The following FAT1 variants were observed in gnomAD, a reference collection of about 807,000 sequenced individuals.
The protein encoded by FAT1 is FAT atypical cadherin 1, also known as protocadherin Fat 1.
Under a neutral mutation model 329.8 loss-of-function variants are expected in FAT1, and 171 were observed. The ratio of observed to expected loss-of-function variants is 0.52; its 90% CI spans 0.46 to 0.59. The LOEUF (loss-of-function observed/expected upper bound fraction) is 0.59, where lower values mean the gene tolerates loss of function less well. Among genes scored for constraint, FAT1 ranks in the 20% least tolerant of loss-of-function variants. FAT1 has a pLI of 0.00. For synonymous variants in FAT1, 2,233 were observed against 2,228.6 expected, an observed-to-expected ratio of 1.00 and a Z score of -0.06; for missense variants, 5,672 against 5,774.4, an observed-to-expected ratio of 0.98 and a Z score of 0.57.
In FAT1 at chr4:186,620,761, G is replaced by C. The variant is rs777478965; in HGVS notation, c.5825C>G (p.Thr1942Ser). The change falls in exon 10 of 27, where the codon ACT becomes AGT. Residue 1942 changes from threonine (T) to serine (S), a missense_variant. Transcript: ENST00000441802. Reference sequence around the variant, plus strand: ...TAGCTCGTAGCGGCTTCTTAACTGAGTTGTGTTTTGGACAGTGAGAGCACC... The same window carrying C: ...TAGCTCGTAGCGGCTTCTTAACTGACTTGTGTTTTGGACAGTGAGAGCACC... The part of the protein sequence containing the change: ...KTGALTVQNT[T>S]QLRSRYELTV... 1.2e-6 allele frequency: 2 copies of C among 1,613,910 alleles called. No homozygotes were observed. Among genetic ancestry groups the C allele is most frequent in the Non-Finnish European group, 1.7e-6 (2 of 1,179,914 alleles).
intron 1 of FAT1, among the ~76,000 whole-genome samples, chr4:186,716,740 G>A (rs1745225554): frequency 1.3e-5 from 2 of 152,112 alleles, no homozygotes; most frequent in Admixed American, 6.6e-5. Flanking sequence ...TTCAAAGCAG[G>A]ATCATGAAGT....
rs1056946096 is a variant in FAT1 at position 186,602,968 on chromosome 4, A to G, written c.11417T>C (p.Val3806Ala). Residue 3806 changes from valine (V) to alanine (A), a missense_variant, in exon 20 of 27, where the codon GTG becomes GCG. Physicochemically the swap from Val to Ala is moderately conservative, Grantham distance 64 (BLOSUM62 0). Transcript: ENST00000441802. ...GTGTTTCTCCTCCCAGGGATCAGACACACATTCGGATCCCTCAGGGCACGG... is the reference window on the plus strand; with the variant it reads ...GTGTTTCTCCTCCCAGGGATCAGACGCACATTCGGATCCCTCAGGGCACGG... ...DDPCPEGSEC[V>A]SDPWEEKHTC... 2 of 1,613,780 alleles carry G rather than the reference A, an allele frequency of 1.2e-6. No homozygotes were observed. Among genetic ancestry groups the G allele is most frequent in the African/African-American group, 2.7e-5 (2 of 74,914 alleles).
intron 23 of FAT1, 34 bp downstream of exon 23, chr4:186,597,938 A>G (rs1738611891): frequency 1.3e-6 from 2 of 1,587,226 alleles, no homozygotes; most frequent in East Asian, 4.5e-5. Context: ...TTTATACTAC[A>G]ATTGATTATG....
rs2126470099 is a variant in FAT1, at chr4:186,611,731, C to T, written c.9508G>A (p.Gly3170Arg). 1 of 1,587,912 alleles carries T rather than the reference C, an allele frequency of 6.3e-7. No individual in the cohort carries two copies. Among genetic ancestry groups the T allele is most frequent in the Non-Finnish European group, 8.6e-7 (1 of 1,166,078 alleles). The part of the protein sequence containing the change: ...ILYSLIDSAD[G>R]QFSINELSGI... The stretch of plus-strand genomic sequence containing the variant: ...GATAATTCGTTAATGGAGAACTGCC[C>T]ATCAGCAGAGTCAATCAGTGAGTAT... The change falls in exon 14 of 27, where the codon GGG becomes AGG. Residue 3170 changes from glycine to arginine, a missense_variant. Gly to Arg is a moderately radical substitution (Grantham distance 125). Coordinates refer to ENST00000441802, the MANE Select transcript of FAT1 (RefSeq NM_005245.4).
At chr4:186,648,678 C>G (rs1741490791) in intron 3 of FAT1, among the ~76,000 whole-genome samples, 1 of 152,092 alleles carries the variant, frequency 6.6e-6, no homozygotes, top group Non-Finnish European at 1.5e-5. Context: ...ACTTTCCTAC[C>G]AAGGAAAGTG....
intron 2 of FAT1, among the ~76,000 whole-genome samples, chr4:186,698,290 G>A (rs972165441): frequency 2.6e-5 from 4 of 152,136 alleles, no homozygotes; most frequent in African/African-American, 4.8e-5. Flanking sequence ...CCCCCGCAGC[G>A]AAGAGAAGCA....
At chr4:186,649,733 A>G in intron 3 of FAT1, among the ~76,000 whole-genome samples, 1 of 152,164 alleles carries the variant, frequency 6.6e-6, no homozygotes, top group Admixed American at 6.5e-5. Context: ...CAGAACCGCG[A>G]CAGAATCCAC....
Position 186,707,530 on chromosome 4 carries a change from C to A in FAT1, c.2298G>T (p.Met766Ile), listed in dbSNP as rs1412371377. The change falls in exon 2 of 27, where the codon ATG becomes ATT. Residue 766 changes from methionine (M) to isoleucine (I), a missense_variant. This residue lies in a region of FAT1 where 3,966 missense variants were observed against 3,915.2 expected (regional missense o/e 1.01). Transcript: ENST00000441802. ...TCAGCATTCCTGTTTCCATATCAAT[C>A]ATGAAGCAACTATCCTCATTTCCTC... ...VSGGNEDSCF[M>I]IDMETGMLKI... 1.2e-6 allele frequency: 2 copies of A among 1,614,004 alleles called. No homozygotes were observed. Among genetic ancestry groups the A allele is most frequent in the Non-Finnish European group, 1.7e-6 (2 of 1,179,896 alleles).
chr4:186,610,641 T>A, intron 14 of FAT1, among the ~76,000 whole-genome samples: 1 of 123,744 alleles, frequency 8.1e-6, no homozygotes, highest in Admixed American at 9.4e-5. Context: ...ATATAATTTA[T>A]ATAATTTATA....
intron 1 of FAT1, among the ~76,000 whole-genome samples, chr4:186,718,669 A>T (rs901173618): frequency 3.3e-5 from 5 of 152,150 alleles, no homozygotes; most frequent in East Asian, 1.9e-4. Context: ...TCCGTCTCAA[A>T]AAAATAAAAT....
In FAT1 at chr4:186,588,537, T is replaced by C; in HGVS notation, c.*55A>G. ...CACTGCTGCAAAGAACAGCGCGGAT[T>C]ACTCACATCACCTCTAGGTTCACTA... On this transcript the variant is annotated 3_prime_UTR_variant, in exon 27 of 27. Coordinates refer to ENST00000441802, the MANE Select transcript of FAT1 (RefSeq NM_005245.4). The C allele has an allele frequency of 6.4e-7, 1 of 1,554,510 alleles. No individual in the cohort carries two copies. Among genetic ancestry groups the C allele is most frequent in the Middle Eastern group, 2.4e-4 (1 of 4,208 alleles).
chr4:186,611,383 T>C lies in FAT1; in HGVS notation c.9853+3A>G, dbSNP rs1232129245. ...GTTTCCTCTCAGATACATGGTAGGT[T>C]ACCTGTTTTAGAATCTATGCTGAAT... is the stretch of plus-strand genomic sequence containing the variant. On this transcript the variant is annotated splice_donor_region_variant and intron_variant, in intron 14 of 26. Transcript: ENST00000441802. 1 of 1,601,648 alleles carries C rather than the reference T, an allele frequency of 6.2e-7. No individual in the cohort carries two copies. The highest frequency in any genetic ancestry group is 1.1e-5 in the South Asian group (1 of 88,902).
chr4:186,594,524 A>G (rs1216221410), intron 26 of FAT1, among the ~76,000 whole-genome samples: 1 of 151,088 alleles, frequency 6.6e-6, no homozygotes, highest in African/African-American at 2.4e-5. Context: ...TTGATAAAAG[A>G]CATAATTCTA....
intron 1 of FAT1, among the ~76,000 whole-genome samples, chr4:186,710,548 G>A (rs1046305024): frequency 1.3e-5 from 2 of 152,068 alleles, no homozygotes; most frequent in African/African-American, 4.8e-5. Flanking sequence ...CCAAAGAAAG[G>A]CAATTTACAA....
At chr4:186,692,402 T>C (rs547074447) in intron 2 of FAT1, among the ~76,000 whole-genome samples, 3 of 152,118 alleles carry the variant, frequency 2.0e-5, no homozygotes, top group African/African-American at 7.2e-5. Context: ...AAGCTCCGCC[T>C]CCCGGGTTCA....
intron 3 of FAT1, among the ~76,000 whole-genome samples, chr4:186,649,292 T>A (rs28362123): frequency 0.39 from 59,093 of 151,980 alleles, 11,964 homozygotes; most frequent in African/African-American, 0.45. Flanking sequence ...ATTAAAAAAA[T>A]TAAGAGGAAT....
chr4:186,644,823 G>A (rs1741280226), intron 3 of FAT1, among the ~76,000 whole-genome samples: 1 of 152,216 alleles, frequency 6.6e-6, no homozygotes. Flanking sequence ...GGTGAAGACA[G>A]TCATGTGACA....
rs1487554464 is a variant in FAT1, at chr4:186,628,382, A to T, written c.4600-18T>A. ...TCTCGTACCTAAAAAGAATTGACAC[A>T]TTATCAATCCCATTGGTGCTTTCCT... On this transcript the variant is annotated intron_variant, in intron 8 of 26. Transcript: ENST00000441802. 6.2e-7 allele frequency: 1 copy of T among 1,610,858 alleles called. No individual in the cohort carries two copies. Among genetic ancestry groups the T allele is most frequent in the Admixed American group, 1.7e-5 (1 of 59,650 alleles).
intron 15 of FAT1, 132 bp downstream of exon 15, chr4:186,609,669 T>C: frequency 1.5e-6 from 1 of 671,830 alleles, no homozygotes; most frequent in Non-Finnish European, 2.6e-6. Context: ...TCAGTTGGCC[T>C]AACAAAAGAC....
Sources: allele counts gnomAD v4.1 joint callset (sites outside exome capture counted in the v4.1 genomes callset), GRCh38; gene constraint gnomAD v4.1.1; regional missense constraint gnomAD v4.1.1; transcripts MANE v1.5; gene names NCBI Gene and HGNC (gene_info 2026-07-23, HGNC 2026-07-21).